Variants in MAP4K4 observed in about 807,000 individuals in gnomAD.
MAP4K4 encodes mitogen-activated protein kinase kinase kinase kinase 4.
A neutral mutation model predicts 189.6 loss-of-function variants in MAP4K4; 38 were observed. The observed-to-expected ratio is 0.20, with a 90% CI of 0.15 to 0.26. The LOEUF is 0.26. Ranked by LOEUF, MAP4K4 falls within the 10% of genes least tolerant of loss-of-function variation. MAP4K4 has a pLI of 1.00. For missense variants in MAP4K4, 1,054 were observed against 1,726.9 expected, an observed-to-expected ratio of 0.61 and a Z score of 6.91; for synonymous variants, 610 against 624.3, an observed-to-expected ratio of 0.98 and a Z score of 0.34.
At chr2:101,881,969 G>T (rs1449907074) in intron 27 of MAP4K4, among the ~76,000 whole-genome samples, 1 of 152,152 alleles carries the variant, frequency 6.6e-6, no homozygotes, top group Non-Finnish European at 1.5e-5. Context: ...GAACCATGCT[G>T]CTATGAACAT....
Position 101,856,158 on chromosome 2 carries a change from A to G in MAP4K4, c.1395+20A>G. 1 of 1,547,352 alleles carries G rather than the reference A, an allele frequency of 6.5e-7. No individual in the cohort carries two copies. ...GAACAGGTTAGTTCACAGATAACAT[A>G]GCAGGCATACACTTGTGAAGTTTGT... On this transcript the variant is annotated intron_variant, in intron 13 of 32. Coordinates refer to ENST00000324219, the Ensembl canonical transcript of MAP4K4.
intron 9 of MAP4K4, among the ~76,000 whole-genome samples, chr2:101,838,853 G>A (rs150264383): frequency 2.0e-5 from 3 of 152,256 alleles, no homozygotes; most frequent in South Asian, 2.1e-4. Flanking sequence ...TTTAAAGACC[G>A]AAGAATACCT....
intron 20 of MAP4K4, 65 bp from the exon 21 acceptor site, chr2:101,867,964 C>T (rs2097863879): frequency 6.4e-7 from 1 of 1,574,486 alleles, no homozygotes; most frequent in Admixed American, 1.7e-5. Flanking sequence ...CCCGCGCTTC[C>T]TTGTACTGTG....
At chr2:101,784,263 C>T (rs1185851810) in intron 2 of MAP4K4, among the ~76,000 whole-genome samples, 2 of 146,654 alleles carry the variant, frequency 1.4e-5, no homozygotes, top group Admixed American at 6.8e-5. Context: ...TGATGCTCTT[C>T]GTGTGTGTGT....
At chr2:101,865,820 C>T (rs2097793352) in intron 18 of MAP4K4, among the ~76,000 whole-genome samples, 1 of 152,140 alleles carries the variant, frequency 6.6e-6, no homozygotes, top group South Asian at 2.1e-4. Flanking sequence ...GGATGATAGC[C>T]CAAAAGCTGC....
intron 2 of MAP4K4, among the ~76,000 whole-genome samples, chr2:101,721,207 A>G (rs1178440962): frequency 6.6e-6 from 1 of 152,214 alleles, no homozygotes; most frequent in Non-Finnish European, 1.5e-5. Context: ...ACATCATACA[A>G]TACATTGATA....
rs751996525 is a variant in MAP4K4 at position 101,826,333 on chromosome 2, G to GTTTTTAAA, written c.417+904_417+905insTTTTTAAA. On this transcript the variant is annotated intron_variant, in intron 5 of 32. Coordinates refer to ENST00000324219, the Ensembl canonical transcript of MAP4K4. ...TTGCAGGTTTAAAAACTGCCATCTA[G>GTTTTTAAA]ACTTCCTAGAGAAATGTTTAATTTT... is the stretch of plus-strand genomic sequence containing the variant. Among the ~76,000 whole-genome samples the GTTTTTAAA allele has an allele frequency of 4.7e-3, 722 of 152,156 alleles. 2 individuals are homozygous for GTTTTTAAA. The highest frequency in any genetic ancestry group is 0.024 in the Middle Eastern group (7 of 294).
exon 33 of MAP4K4, chr2:101,892,037 A>C (rs2150371893): frequency 6.6e-6 from 1 of 152,280 alleles, no homozygotes; most frequent in African/African-American, 2.4e-5. Flanking sequence ...AAGAAAAAGA[A>C]AACGTGTGCA....
At chr2:101,698,178 C>CGGCAGCT (rs1420693829) in intron 1 of MAP4K4, 41 bp downstream of exon 1, 2 of 927,034 alleles carry the variant, frequency 2.2e-6, no homozygotes, top group Non-Finnish European at 2.7e-6. Flanking sequence ...AGCGGGCAGC[C>CGGCAGCT]GGCAGCCGGC....
At chr2:101,789,353 G>A (rs1309247467) in intron 2 of MAP4K4, among the ~76,000 whole-genome samples, 1 of 152,166 alleles carries the variant, frequency 6.6e-6, no homozygotes, top group Non-Finnish European at 1.5e-5. Context: ...TTAGGAAACA[G>A]GGTTCCAGGG....
intron 12 of MAP4K4, among the ~76,000 whole-genome samples, chr2:101,845,387 A>C (rs72829237): frequency 2.0e-5 from 3 of 152,148 alleles, no homozygotes; most frequent in African/African-American, 7.2e-5. Flanking sequence ...TTATTTCCCT[A>C]TACAGTCATG....
chr2:101,800,236 C>T lies in MAP4K4; in HGVS notation c.180+9460C>T, dbSNP rs2094231460. ...CTTCAACTTCCCAGGCTCAAGAGAT[C>T]TTCCCACCTCAGCTTCCCGAGTAAC... On this transcript the variant is annotated intron_variant, in intron 3 of 32. Coordinates refer to ENST00000324219, the Ensembl canonical transcript of MAP4K4. 3.3e-5 allele frequency among the ~76,000 whole-genome samples: 5 copies of T among 152,228 alleles called. No homozygotes were observed. In the South Asian group the frequency reaches 1.0e-3, roughly 32 times the overall value.
intron 6 of MAP4K4, 23 bp from the exon 7 acceptor site, chr2:101,831,698 C>A: frequency 6.3e-7 from 1 of 1,576,090 alleles, no homozygotes; most frequent in South Asian, 1.2e-5. Flanking sequence ...CTTTCTTTAT[C>A]TGCCTTTTTC....
At chr2:101,759,792 C>CTCCCT (rs1324856112) in intron 2 of MAP4K4, among the ~76,000 whole-genome samples, 3 of 105,212 alleles carry the variant, frequency 2.9e-5, no homozygotes, top group African/African-American at 1.1e-4. Context: ...CCCCTCCCTT[C>CTCCCT]TCCCTTCCCT....
At chr2:101,835,299 A>T (rs2096717387) in intron 8 of MAP4K4, among the ~76,000 whole-genome samples, 2 of 152,206 alleles carry the variant, frequency 1.3e-5, no homozygotes, top group African/African-American at 4.8e-5. Flanking sequence ...GGTCTTCTGA[A>T]GGTAAAGAAA....
At position 101,859,908 on chromosome 2, in the gene MAP4K4, G is replaced by A. The variant is rs187302394; in HGVS notation, c.1704+44G>A. ...CACTTAGACATTGCCCTGGAAAGTC[G>A]TATAACGACTCTTCAGAACTGTGTC... On this transcript the variant is annotated intron_variant, in intron 15 of 32. Coordinates refer to ENST00000324219, the Ensembl canonical transcript of MAP4K4. 6.5e-6 allele frequency: 10 copies of A among 1,529,976 alleles called. 1 individual carries two copies. The South Asian group carries it at 9.5e-5, about 15-fold the overall frequency. The allele number at this position is 1,529,976 out of a possible 1,614,324, so 94.8% of individuals were successfully genotyped here.
chr2:101,829,184 C>T (rs1576372296), intron 5 of MAP4K4, among the ~76,000 whole-genome samples: 1 of 152,196 alleles, frequency 6.6e-6, no homozygotes, highest in Non-Finnish European at 1.5e-5. Context: ...AGGAACCACC[C>T]TGTACACAAA....
intron 3 of MAP4K4, among the ~76,000 whole-genome samples, chr2:101,799,302 A>G (rs2148949598): frequency 6.6e-6 from 1 of 152,328 alleles, no homozygotes; most frequent in Non-Finnish European, 1.5e-5. Flanking sequence ...TAGTTTTTAC[A>G]TAGTAAATGT....
In MAP4K4 at chr2:101,825,436, A is replaced by C. The variant is rs756981413; in HGVS notation, c.417+7A>C. The C allele has an allele frequency of 6.3e-7, 1 of 1,592,226 alleles. No homozygotes were observed. The highest frequency in any genetic ancestry group is 8.6e-7 in the Non-Finnish European group (1 of 1,161,014). ...CTCCAGAGAAATCCTGAGGGTAAGG[A>C]AAGTGGGTGGCTACAGTGCTCCAAC... On this transcript the variant is annotated splice_region_variant and intron_variant, in intron 5 of 32. Coordinates refer to ENST00000324219, the Ensembl canonical transcript of MAP4K4.
Sources: gnomAD v4.1 joint callset for allele counts (sites outside exome capture counted in the v4.1 genomes callset) on GRCh38, gnomAD v4.1.1 for gene constraint, MANE v1.5 for transcripts, NCBI Gene and HGNC (gene_info 2026-07-23, HGNC 2026-07-21) for gene names.